The following TMEM9 variants were observed in gnomAD, a reference collection of about 807,000 sequenced individuals.
TMEM9 encodes the protein proton-transporting V-type ATPase complex assembly regulator TMEM9.
A neutral mutation model predicts 22.8 loss-of-function variants in TMEM9; 13 were observed. The observed-to-expected ratio is 0.57, with a 90% CI of 0.37 to 0.91. The LOEUF (loss-of-function observed/expected upper bound fraction) is 0.91. Among genes scored for constraint, TMEM9 ranks in the 40% least tolerant of loss-of-function variants. The pLI is 0.01. For missense variants in TMEM9, 182 were observed against 238.1 expected (o/e 0.76, Z 1.55); for synonymous variants, 88 against 93.0 (o/e 0.95, Z 0.31).
intron 3 of TMEM9, chr1:201,145,670 G>A (rs942249763): frequency 4.6e-5 from 7 of 152,200 alleles, no homozygotes; most frequent in Non-Finnish European, 1.0e-4. Context: ...GAACAGAAAG[G>A]GCTACATTAG....
chr1:201,138,574 G>A (rs1664219994), intron 4 of TMEM9, among the ~76,000 whole-genome samples: 1 of 152,172 alleles, frequency 6.6e-6, no homozygotes. Flanking sequence ...GGCGGGTGGA[G>A]CCCCTCCCAA....
chr1:201,169,902 G>A (rs186584744), intron 1 of TMEM9, among the ~76,000 whole-genome samples: 1 of 152,240 alleles, frequency 6.6e-6, no homozygotes, highest in East Asian at 1.9e-4. Flanking sequence ...CTTTAGTGCT[G>A]AACACAATCT....
At chr1:201,156,531 A>C (rs748221044), upstream of TMEM9, among the ~76,000 whole-genome samples, 2 of 150,952 alleles carry the variant, frequency 1.3e-5, no homozygotes, top group Non-Finnish European at 3.0e-5. Context: ...ATCACTGGTT[A>C]CTCCCCCCAC....
intron 4 of TMEM9, 62 bp downstream of exon 4, chr1:201,143,758 G>A: frequency 2.5e-6 from 4 of 1,585,042 alleles, no homozygotes; most frequent in Non-Finnish European, 3.5e-6. Flanking sequence ...ACGCTCCTCT[G>A]GGTTTTGCCC....
At chr1:201,166,603 C>T (rs773487538) in intron 1 of TMEM9, among the ~76,000 whole-genome samples, 1 of 151,906 alleles carries the variant, frequency 6.6e-6, no homozygotes, top group Admixed American at 6.6e-5. Flanking sequence ...CCTCAAGTGA[C>T]CCGCCTGCGT....
At chr1:201,141,046 G>A (rs1025986379) in intron 4 of TMEM9, among the ~76,000 whole-genome samples, 4 of 152,110 alleles carry the variant, frequency 2.6e-5, no homozygotes, top group Admixed American at 6.5e-5. Flanking sequence ...GCAGTTCAGC[G>A]GTCACTCTCC....
chr1:201,147,004 T>C (rs2102258245), intron 2 of TMEM9, 156 bp from the exon 3 acceptor site: 1 of 645,552 alleles, frequency 1.5e-6, no homozygotes, highest in South Asian at 1.9e-5. Flanking sequence ...AGGATTAGGC[T>C]GGCAGAAACC....
At position 201,154,411 on chromosome 1, in the gene TMEM9, C is replaced by A. The variant is rs949469919; in HGVS notation, c.-488G>T. ...CTGGGACCCCCAATAGCCCCGCGAC[C>A]CCCGTCCCCTCCCCCAATGCCGCGT... On this transcript the variant is annotated 5_prime_UTR_variant, in exon 1 of 5. Coordinates refer to ENST00000367330, the MANE Select transcript of TMEM9 (RefSeq NM_001288565.2). 2 of 158,826 alleles carry A rather than the reference C, an allele frequency of 1.3e-5. No homozygotes were observed. The highest frequency in any genetic ancestry group is 4.8e-5 in the African/African-American group (2 of 41,490). The allele number at this position is 158,826 out of a possible 1,614,324, so 9.8% of individuals were successfully genotyped here. A position where few individuals can be genotyped will look rare whatever the true frequency, so the allele number is the denominator to read the frequency against.
Position 201,146,742 on chromosome 1 carries a change from T to C in TMEM9, c.265A>G (p.Lys89Glu), listed in dbSNP as rs144594880. 3 of 1,614,042 alleles carry C rather than the reference T, an allele frequency of 1.9e-6. No homozygotes were observed. The African/African-American group carries it at 4.0e-5, about 22-fold the overall frequency. The part of the protein sequence containing the change: ...RYEERSTTTI[K>E]VIIVIYLSVV... ...GCTTCCTGAGACCCTGGCGTTACCT[T>C]GATGGTGGTGGTGCTGCGCTCCTCG... Residue 89 changes from lysine (K) to glutamate (E), a missense_variant and splice_region_variant, in exon 3 of 5, where the codon AAG becomes GAG. By Grantham distance (56) the Lys-to-Glu change is moderately conservative. Transcript: ENST00000367330.
Position 201,135,709 on chromosome 1 carries a change from T to C in TMEM9, c.506A>G (p.Gln169Arg), listed in dbSNP as rs769170486. The stretch of plus-strand genomic sequence containing the variant: ...ATCGAAGACTGTCTTCCGCTGCTCC[T>C]GCACCTGCAGCTTCCACCGCTGCTG... ...GAQQRWKLQV[Q>R]EQRKTVFDRH... is the part of the protein sequence containing the mutation. The change falls in exon 5 of 5, where the codon CAG becomes CGG. Residue 169 changes from glutamine (Q) to arginine (R), a missense_variant. Transcript: ENST00000367330. 1.2e-6 allele frequency: 2 copies of C among 1,613,880 alleles called. No homozygotes were observed. The highest frequency in any genetic ancestry group is 1.7e-6 in the Non-Finnish European group (2 of 1,179,902).
chr1:201,157,085 G>A (rs887817774), upstream of TMEM9, among the ~76,000 whole-genome samples: 14 of 152,170 alleles, frequency 9.2e-5, no homozygotes, highest in Non-Finnish European at 1.8e-4. Context: ...AAAGACAATA[G>A]CTCTCTGCTA....
rs568158018 is a variant in TMEM9, at chr1:201,154,017, G to A, written c.-94C>T. On this transcript the variant is annotated 5_prime_UTR_variant, in exon 1 of 5. Transcript: ENST00000367330. ...AAGGTGGCCACACCGCAGCCAGCAC[G>A]CTAGGCCCTTAACCATCCGGCCAAG... 134 of 1,447,004 alleles carry A rather than the reference G, an allele frequency of 9.3e-5. No individual in the cohort carries two copies. The African/African-American group carries it at 1.6e-3, about 17-fold the overall frequency. The allele number at this position is 1,447,004 out of a possible 1,614,324, so 89.6% of individuals were successfully genotyped here. A position where few individuals can be genotyped will look rare whatever the true frequency, so the allele number is the denominator to read the frequency against.
chr1:201,151,663 T>C, intron 2 of TMEM9, 98 bp downstream of exon 2: 1 of 844,362 alleles, frequency 1.2e-6, no homozygotes, highest in Non-Finnish European at 2.0e-6. Context: ...TCCATAGGAA[T>C]GGGAGAGCAT....
At chr1:201,143,059 C>T (rs972607833) in intron 4 of TMEM9, among the ~76,000 whole-genome samples, 4 of 152,244 alleles carry the variant, frequency 2.6e-5, no homozygotes, top group African/African-American at 7.2e-5. Context: ...AAGACGGTGA[C>T]AGCGCTTGTT....
chr1:201,147,942 C>T (rs184743261), intron 2 of TMEM9, among the ~76,000 whole-genome samples: 1 of 152,216 alleles, frequency 6.6e-6, no homozygotes, highest in Non-Finnish European at 1.5e-5. Context: ...CTCCCCCCAA[C>T]CCCCCGCCAA....
intron 3 of TMEM9, 149 bp downstream of exon 3, chr1:201,146,591 C>G (rs1664992265): frequency 2.5e-6 from 2 of 799,970 alleles, no homozygotes; most frequent in Non-Finnish European, 4.3e-6. Context: ...GGATGTGGGT[C>G]CCAGTGTCTG....
rs34818227 is a variant in TMEM9 at position 201,162,535 on chromosome 1, G to GA, written c.-36-8577dup. On this transcript the variant is annotated intron_variant, in intron 1 of 5. Coordinates refer to the TMEM9 transcript ENST00000367333. ...GCCGGAACAACTGGACATACATAGG[G>GA]AAAAAAAAAAAAAAACCCTGACTGA... 5.5e-3 allele frequency among the ~76,000 whole-genome samples: 631 copies of GA among 114,828 alleles called. 2 individuals are homozygous for GA. The highest frequency in any genetic ancestry group is 0.014 in the African/African-American group (419 of 29,628). 75.3% of individuals were successfully genotyped at this position (114,828 alleles called of 152,430 possible).
chr1:201,156,861 A>G (rs1299300645), upstream of TMEM9, among the ~76,000 whole-genome samples: 1 of 152,206 alleles, frequency 6.6e-6, no homozygotes, highest in African/African-American at 2.4e-5. Flanking sequence ...GATACAACAG[A>G]CAAATCACAT....
intron 4 of TMEM9, 78 bp downstream of exon 4, chr1:201,143,742 T>C (rs1390336584): frequency 6.7e-6 from 10 of 1,497,040 alleles, no homozygotes; most frequent in Non-Finnish European, 8.3e-6. Flanking sequence ...GACCTGGACC[T>C]AGGTGACGCT....
Sources: gnomAD v4.1 joint callset for allele counts (sites outside exome capture counted in the v4.1 genomes callset) on GRCh38, gnomAD v4.1.1 for gene constraint, MANE v1.5 for transcripts, NCBI Gene and HGNC (gene_info 2026-07-23, HGNC 2026-07-21) for gene names.